CDKL3: variants seen among roughly 807,000 people sequenced by gnomAD.
CDKL3 encodes the protein cyclin-dependent kinase-like 3.
In CDKL3, 65 loss-of-function variants were observed where a neutral mutation model predicts 69.3. The ratio of observed to expected loss-of-function variants is 0.94; its 90% CI spans 0.77 to 1.15. The LOEUF is 1.15. CDKL3 is among the 50% of genes most tolerant of loss of function. The probability of loss-of-function intolerance (pLI) is 0.00; values close to 1 mark genes in which losing one functional copy is unlikely to be tolerated. For missense variants in CDKL3, 652 were observed against 689.2 expected, an observed-to-expected ratio of 0.95 and a Z score of 0.61; for synonymous variants, 202 against 221.6, an observed-to-expected ratio of 0.91 and a Z score of 0.79.
chr5:134,308,448 T>C lies in CDKL3; in HGVS notation c.1054A>G (p.Lys352Glu). The change falls in exon 9 of 13, where the codon AAG (lysine) becomes GAG (glutamate). Residue 352 changes from lysine to glutamate, a missense_variant. Physicochemically the swap from Lys to Glu is moderately conservative, Grantham distance 56. Coordinates refer to ENST00000265334, the MANE Select transcript of CDKL3 (RefSeq NM_001113575.2). ...VLGKEIEKEK[K>E]PKEIKVRVIK... ...ACTCTGACTTTGATCTCCTTGGGCT[T>C]TTTCTCTTTTTCTATTTCCTGGAAT... 1 of 1,600,918 alleles carries C rather than the reference T, an allele frequency of 6.2e-7. No homozygotes were observed. The highest frequency in any genetic ancestry group is 2.2e-5 in the East Asian group (1 of 44,796).
downstream of CDKL3, among the ~76,000 whole-genome samples, chr5:134,285,553 C>T (rs1396327261): frequency 6.6e-6 from 1 of 152,188 alleles, no homozygotes; most frequent in East Asian, 1.9e-4. Context: ...GGCCTTTCCT[C>T]CTAGGCCTCT....
rs1468339631 is a variant in CDKL3, at chr5:134,329,171, T to C, written c.540-7268A>G. Among the ~76,000 whole-genome samples, 4 of 152,158 alleles carry C rather than the reference T, an allele frequency of 2.6e-5. No individual in the cohort carries two copies. The East Asian group carries it at 7.7e-4, about 29-fold the overall frequency. On this transcript the variant is annotated intron_variant, in intron 4 of 12. Transcript: ENST00000265334. ...GCCTAGGCAATATAGTGAGACTTTG[T>C]CTCTACAAAAAAATAAATTAGGTGG...
At chr5:134,324,122 T>C (rs188850944) in intron 4 of CDKL3, among the ~76,000 whole-genome samples, 2 of 152,254 alleles carry the variant, frequency 1.3e-5, no homozygotes, top group Admixed American at 6.5e-5. Flanking sequence ...CATCAGACAA[T>C]TGCAAATTAA....
At chr5:134,307,687 T>C (rs188470878) in intron 9 of CDKL3, among the ~76,000 whole-genome samples, 1 of 152,352 alleles carries the variant, frequency 6.6e-6, no homozygotes. Flanking sequence ...AAAACTGGCC[T>C]AATATGCTAT....
intron 4 of CDKL3, among the ~76,000 whole-genome samples, chr5:134,345,311 G>C (rs1390312106): frequency 6.6e-6 from 1 of 152,086 alleles, no homozygotes; most frequent in African/African-American, 2.4e-5. Flanking sequence ...TTTTAATAAA[G>C]ACATAATATG....
At chr5:134,301,349 G>C (rs1355966977) in intron 12 of CDKL3, among the ~76,000 whole-genome samples, 1 of 152,120 alleles carries the variant, frequency 6.6e-6, no homozygotes, top group African/African-American at 2.4e-5. Flanking sequence ...GGACTGTGGA[G>C]TTCTTAACAA....
chr5:134,296,813 A>G (rs189507494), downstream of CDKL3, among the ~76,000 whole-genome samples: 120 of 151,326 alleles, frequency 7.9e-4, no homozygotes, highest in Admixed American at 2.0e-3. Context: ...ACACACACAC[A>G]CACGCACGCA....
chr5:134,369,977 G>A (rs1758179345), upstream of CDKL3, among the ~76,000 whole-genome samples: 1 of 152,182 alleles, frequency 6.6e-6, no homozygotes, highest in African/African-American at 2.4e-5. Context: ...AGAATATTCA[G>A]CTTTTAACTT....
intron 10 of CDKL3, among the ~76,000 whole-genome samples, chr5:134,306,180 A>G (rs966663168): frequency 6.6e-6 from 1 of 152,182 alleles, no homozygotes; most frequent in African/African-American, 2.4e-5. Context: ...GAAGAAAAAA[A>G]GAAACTTAAA....
In CDKL3 at chr5:134,308,708, CT is replaced by C; in HGVS notation, c.900del (p.Ala301LeufsTer12). On this transcript the variant is annotated frameshift_variant, in exon 8 of 13. Transcript: ENST00000265334. LOFTEE classifies it high-confidence loss of function. ...GFIEKFMPELKAKLLQEAKVN... is the reference protein window; with the variant it reads ...GFIEKFMPELXAKLLQEAKVN... ...ACTTTTGCTTCCTGCAGTAATTTAGCTTTCAGTTCTGGCATGAATCTGACAA... is the reference window on the plus strand; with the variant it reads ...ACTTTTGCTTCCTGCAGTAATTTAGCTTCAGTTCTGGCATGAATCTGACAA... 6.3e-7 allele frequency: 1 copy of C among 1,596,448 alleles called. No homozygotes were observed. Among genetic ancestry groups the C allele is most frequent in the Non-Finnish European group, 8.5e-7 (1 of 1,175,574 alleles).
At chr5:134,284,481 A>G (rs1175325215), downstream of CDKL3, among the ~76,000 whole-genome samples, 2 of 152,188 alleles carry the variant, frequency 1.3e-5, no homozygotes, top group Non-Finnish European at 2.9e-5. Context: ...ATTACTGATG[A>G]GGTTCCATGT....
chr5:134,362,035 G>A (rs1159421950), intron 2 of CDKL3, among the ~76,000 whole-genome samples: 2 of 152,194 alleles, frequency 1.3e-5, no homozygotes, highest in Non-Finnish European at 2.9e-5. Flanking sequence ...AATAAGCATT[G>A]TAGAAGATCC....
chr5:134,367,270 G>A (rs1757676708), upstream of CDKL3: 2 of 985,080 alleles, frequency 2.0e-6, no homozygotes, highest in African/African-American at 1.7e-5. Flanking sequence ...AGGTGGAAGA[G>A]TGCTGTGCTT....
chr5:134,302,056 G>A (rs1485760549), intron 12 of CDKL3: 2 of 443,990 alleles, frequency 4.5e-6, no homozygotes, highest in Non-Finnish European at 9.0e-6. Context: ...GCATTCATTT[G>A]GATATTACAG....
At chr5:134,312,257 C>T in intron 7 of CDKL3, 35 bp downstream of exon 7, 1 of 1,297,328 alleles carries the variant, frequency 7.7e-7, no homozygotes, top group Non-Finnish European at 1.1e-6. Flanking sequence ...ATACAAAATG[C>T]TTTTAAAAAA....
intron 3 of CDKL3, among the ~76,000 whole-genome samples, chr5:134,351,334 G>T (rs1001579526): frequency 5.9e-5 from 9 of 152,106 alleles, no homozygotes; most frequent in Non-Finnish European, 1.3e-4. Flanking sequence ...AGCCACTTTT[G>T]TCACTTGGTT....
At chr5:134,371,420 G>A (rs1561675294), upstream of CDKL3, 6 of 808,898 alleles carry the variant, frequency 7.4e-6, no homozygotes, top group Non-Finnish European at 1.2e-5. Context: ...GCGGAGGGCG[G>A]AGGGATCCGG....
At position 134,321,798 on chromosome 5, in the gene CDKL3, CA is replaced by C. The variant is rs780358834; in HGVS notation, c.644del (p.Leu215Ter). ...TATTTCAGTAATACCTACCCACTTT[CA>C]AAACAATTTTATGGAGTAAATCCAA... ...SDLDLLHKIV[L>X]KVGNLSPHLQ... On this transcript the variant is annotated frameshift_variant, in exon 5 of 13. Coordinates refer to ENST00000265334, the MANE Select transcript of CDKL3 (RefSeq NM_001113575.2). LOFTEE classifies it high-confidence loss of function. The C allele has an allele frequency of 6.3e-7, 1 of 1,575,696 alleles. No homozygotes were observed. Among genetic ancestry groups the C allele is most frequent in the Non-Finnish European group, 8.7e-7 (1 of 1,147,832 alleles).
Position 134,308,345 on chromosome 5 carries a change from T to C in CDKL3, c.1157A>G (p.Asp386Gly). ...CATAGGATGAACATTTTCATTTGCA[T>C]CCTGTTGACCAAGTCCACCTTCATA... ...KEYEGGLGQQ[D>G]ANENVHPMSP... The change falls in exon 9 of 13, where the codon GAT becomes GGT. Residue 386 changes from aspartate to glycine, a missense_variant. Physicochemically the swap from Asp to Gly is moderately conservative, Grantham distance 94 (BLOSUM62 -1). Transcript: ENST00000265334. The C allele has an allele frequency of 1.2e-6, 2 of 1,613,968 alleles. No homozygotes were observed. The highest frequency in any genetic ancestry group is 1.7e-6 in the Non-Finnish European group (2 of 1,179,856).
Sources: gnomAD v4.1 joint callset for allele counts (sites outside exome capture counted in the v4.1 genomes callset) on GRCh38, gnomAD v4.1.1 for gene constraint, MANE v1.5 for transcripts, NCBI Gene and HGNC (gene_info 2026-07-23, HGNC 2026-07-21) for gene names.